PRRC2C: variants seen among roughly 807,000 people sequenced by gnomAD.
PRRC2C encodes the protein proline rich coiled-coil 2C.
In PRRC2C, 72 loss-of-function variants were observed where a neutral mutation model predicts 317.2. That is an observed-to-expected ratio of 0.23 (90% CI 0.19 to 0.28). PRRC2C has a LOEUF of 0.28. PRRC2C is among the 10% of genes least tolerant of loss of function. PRRC2C has a pLI of 1.00. For synonymous variants in PRRC2C, 1,296 were observed against 1,205.9 expected (o/e 1.07, Z -1.55); for missense variants, 3,074 against 3,459.7 (o/e 0.89, Z 2.80).
rs375434766 is a variant in PRRC2C, at chr1:171,542,037, A to G, written c.4571A>G (p.Gln1524Arg). Residue 1524 changes from glutamine (Q) to arginine (R), a missense_variant, in exon 16 of 35, where the codon CAA (glutamine) becomes CGA (arginine). Transcript: ENST00000647382. ...AAAAAAAATGCTGACTTGAATGCACAAACAGTTGTAAAGGTTGGAGAGAAT... is the reference window on the plus strand; with the variant it reads ...AAAAAAAATGCTGACTTGAATGCACGAACAGTTGTAAAGGTTGGAGAGAAT... The part of the protein sequence containing the change: ...DEKKNADLNA[Q>R]TVVKVGENVL... 6.2e-7 allele frequency: 1 copy of G among 1,613,918 alleles called. No homozygotes were observed. The highest frequency in any genetic ancestry group is 1.1e-5 in the South Asian group (1 of 91,046).
intron 6 of PRRC2C, among the ~76,000 whole-genome samples, chr1:171,519,803 G>A (rs1482133045): frequency 6.6e-6 from 1 of 151,894 alleles, no homozygotes; most frequent in Non-Finnish European, 1.5e-5. Flanking sequence ...CCTTCATATT[G>A]TTGATTTTAT....
rs1408448290 is a variant in PRRC2C, at chr1:171,537,307, G to C, written c.2338G>C (p.Gly780Arg). ...KPLMRRDQME[G>R]SPNSSESFEH... is the part of the protein sequence containing the mutation. ...ATTAATGAGAAGAGACCAGATGGAA[G>C]GGTCACCGAACAGTTCTGAGTCATT... The change falls in exon 15 of 35, where the codon GGG becomes CGG. Residue 780 changes from glycine (G) to arginine (R), a missense_variant. This residue lies in a region of PRRC2C where 1,320 missense variants were observed against 1,395.7 expected (regional missense o/e 0.95). Transcript: ENST00000647382. 1 of 1,601,014 alleles carries C rather than the reference G, an allele frequency of 6.2e-7. No individual in the cohort carries two copies. Among genetic ancestry groups the C allele is most frequent in the Non-Finnish European group, 8.5e-7 (1 of 1,173,142 alleles).
intron 20 of PRRC2C, among the ~76,000 whole-genome samples, chr1:171,565,639 A>G (rs766858113): frequency 1.3e-5 from 2 of 152,010 alleles, no homozygotes; most frequent in Non-Finnish European, 2.9e-5. Context: ...GTAGAGACAG[A>G]GTTTCACCAT....
Position 171,513,910 on chromosome 1 carries a change from A to G in PRRC2C, c.291-626A>G, listed in dbSNP as rs576458913. On this transcript the variant is annotated intron_variant, in intron 3 of 34. Coordinates refer to ENST00000647382, the MANE Select transcript of PRRC2C (RefSeq NM_001387844.1). ...TAAAATTATTTTATAGTAATGAGTC[A>G]GTTATAGGTATGAGTGTCCCAGAAA... Among the ~76,000 whole-genome samples the G allele has an allele frequency of 1.2e-4, 18 of 152,380 alleles. No homozygotes were observed. In the South Asian group the frequency reaches 3.3e-3, roughly 28 times the overall value.
intron 1 of PRRC2C, among the ~76,000 whole-genome samples, chr1:171,507,035 C>G (rs113341604): frequency 2.0e-4 from 31 of 152,012 alleles, no homozygotes; most frequent in Admixed American, 2.0e-4. Flanking sequence ...TCCCCACCCC[C>G]CTTGATTCTG....
chr1:171,553,270 T>C (rs183823549), intron 18 of PRRC2C, among the ~76,000 whole-genome samples: 109,746 of 142,518 alleles, frequency 0.77, 41,270 homozygotes, highest in East Asian at 0.88. Context: ...TAGTATTCTG[T>C]GATGGTAGTT....
At chr1:171,539,153 C>T (rs12145045) in intron 15 of PRRC2C, among the ~76,000 whole-genome samples, 23,982 of 152,142 alleles carry the variant, frequency 0.16, 1,952 homozygotes, top group Middle Eastern at 0.29. Flanking sequence ...AGGCATGTGC[C>T]ACCACGCCCA....
At position 171,517,812 on chromosome 1, in the gene PRRC2C, T is replaced by G. The variant is rs765793865; in HGVS notation, c.748T>G (p.Tyr250Asp). Residue 250 changes from tyrosine to aspartate, a missense_variant and splice_region_variant, in exon 6 of 35, where the codon TAT becomes GAT. Transcript: ENST00000647382. ...CCAGTATAGAGCTATGATGCCTCCT[T>G]ATGTGAGTATTGTTAAATGAACAAG... Reference protein sequence around the residue: ...ASQYRAMMPPYMFQQYPRMTY... With the variant: ...ASQYRAMMPPDMFQQYPRMTY... 9 of 1,609,186 alleles carry G rather than the reference T, an allele frequency of 5.6e-6. No individual in the cohort carries two copies. In the South Asian group the frequency reaches 9.9e-5, roughly 18 times the overall value.
At chr1:171,584,623 A>G in intron 30 of PRRC2C, 97 bp downstream of exon 30, 5 of 1,362,142 alleles carry the variant, frequency 3.7e-6, no homozygotes, top group Non-Finnish European at 4.9e-6. Flanking sequence ...AAGATGCAAG[A>G]TGGAGGATGG....
intron 1 of PRRC2C, among the ~76,000 whole-genome samples, chr1:171,489,406 T>G (rs1666717405): frequency 6.6e-6 from 1 of 152,218 alleles, no homozygotes; most frequent in Non-Finnish European, 1.5e-5. Flanking sequence ...CCCAAGGTGT[T>G]CACAGCCTTA....
intron 18 of PRRC2C, among the ~76,000 whole-genome samples, chr1:171,554,806 T>C (rs1173101092): frequency 6.6e-6 from 1 of 152,230 alleles, no homozygotes; most frequent in Non-Finnish European, 1.5e-5. Context: ...CTCTTCTGGC[T>C]TATAGAGTTT....
chr1:171,493,438 C>G (rs1027155427), intron 1 of PRRC2C, among the ~76,000 whole-genome samples: 2 of 152,140 alleles, frequency 1.3e-5, no homozygotes, highest in Non-Finnish European at 2.9e-5. Flanking sequence ...TTCAGGGTTG[C>G]AAAGTGATGG....
Position 171,557,667 on chromosome 1 carries a change from C to T in PRRC2C, c.5555C>T (p.Pro1852Leu). 2 of 1,551,688 alleles carry T rather than the reference C, an allele frequency of 1.3e-6. No homozygotes were observed. Among genetic ancestry groups the T allele is most frequent in the Non-Finnish European group, 1.7e-6 (2 of 1,146,988 alleles). Residue 1852 changes from proline to leucine, a missense_variant, in exon 19 of 35, where the codon CCA becomes CTA. Transcript: ENST00000647382. ...PTPILASVST[P>L]ASVTILASAS... The stretch of plus-strand genomic sequence containing the variant: ...CCCATCCTTGCCTCAGTTTCAACCC[C>T]AGCTTCTGTCACCATTCTTGCCTCA...
chr1:171,530,018 G>A (rs537588049), intron 11 of PRRC2C, among the ~76,000 whole-genome samples: 4 of 152,034 alleles, frequency 2.6e-5, no homozygotes, highest in Admixed American at 6.5e-5. Context: ...ACATTTCTGC[G>A]TACACAGAAA....
rs759068202 is a variant in PRRC2C at position 171,579,448 on chromosome 1, C to T, written c.7254C>T (p.Phe2418=). 6.2e-7 allele frequency: 1 copy of T among 1,613,628 alleles called. No homozygotes were observed. Among genetic ancestry groups the T allele is most frequent in the Non-Finnish European group, 8.5e-7 (1 of 1,179,860 alleles). The change falls in exon 27 of 35, where the codon TTC becomes TTT. Residue 2418 remains phenylalanine, a synonymous_variant. Coordinates refer to ENST00000647382, the MANE Select transcript of PRRC2C (RefSeq NM_001387844.1). ...CATCCTTGGCTCAACAACAGGGTTT[C>T]CAACCAGGTCTCTCTCAGGTAATAT... ...APPSLAQQQG[F]QPGLSQPTSV... is the part of the protein sequence containing the mutation.
intron 10 of PRRC2C, among the ~76,000 whole-genome samples, chr1:171,526,242 A>G (rs1674538105): frequency 1.3e-5 from 2 of 152,200 alleles, no homozygotes; most frequent in Non-Finnish European, 2.9e-5. Context: ...GCCACTAGAA[A>G]AGAATTGAGC....
chr1:171,489,200 T>C (rs760987180), intron 1 of PRRC2C, among the ~76,000 whole-genome samples: 14 of 152,162 alleles, frequency 9.2e-5, no homozygotes, highest in Non-Finnish European at 1.6e-4. Flanking sequence ...CAAAAGAAAA[T>C]GCTGTCAGGT....
In PRRC2C at chr1:171,579,485, TC is replaced by T. The variant is rs1185626424; in HGVS notation, c.7272+21del. Reference sequence around the variant, plus strand: ...CTCTCAGGTAATATCAAAGACTTCTTCCATCCTGTATTTGTTCCTTCGCATT... The same window carrying T: ...CTCTCAGGTAATATCAAAGACTTCTTCATCCTGTATTTGTTCCTTCGCATT... On this transcript the variant is annotated intron_variant, in intron 27 of 34. Coordinates refer to ENST00000647382, the MANE Select transcript of PRRC2C (RefSeq NM_001387844.1). 2 of 1,611,312 alleles carry T rather than the reference TC, an allele frequency of 1.2e-6. No homozygotes were observed. Among genetic ancestry groups the T allele is most frequent in the East Asian group, 2.2e-5 (1 of 44,848 alleles).
Position 171,557,461 on chromosome 1 carries a change from C to T in PRRC2C, c.5349C>T (p.Thr1783=), listed in dbSNP as rs370216860. Residue 1783 remains threonine, a synonymous_variant, in exon 19 of 35, where the codon ACC becomes ACT. Coordinates refer to ENST00000647382, the MANE Select transcript of PRRC2C (RefSeq NM_001387844.1). ...PATLTPVPAS[T]SAPVPASTLA... is the part of the protein sequence containing the mutation. ...CCTTAACTCCAGTTCCAGCCTCAAC[C>T]TCAGCTCCGGTTCCAGCCTCAACTT... is the stretch of plus-strand genomic sequence containing the variant. The T allele has an allele frequency of 1.2e-4, 180 of 1,544,096 alleles. No individual in the cohort carries two copies. Among genetic ancestry groups the T allele is most frequent in the Admixed American group, 5.1e-4 (26 of 50,568 alleles).
Sources: gnomAD v4.1 joint callset for allele counts (sites outside exome capture counted in the v4.1 genomes callset) on GRCh38, gnomAD v4.1.1 for gene constraint, gnomAD v4.1.1 regional missense constraint, MANE v1.5 for transcripts, NCBI Gene and HGNC (gene_info 2026-07-23, HGNC 2026-07-21) for gene names.